Variants in VPS53 observed in about 807,000 individuals in gnomAD.
VPS53 encodes vacuolar protein sorting-associated protein 53 homolog.
A neutral mutation model predicts 107.0 loss-of-function variants in VPS53; 70 were observed. The ratio of observed to expected loss-of-function variants is 0.65; its 90% CI spans 0.54 to 0.80. VPS53 has a LOEUF of 0.80. Ranked by LOEUF, VPS53 falls within the 30% of genes least tolerant of loss-of-function variation. VPS53 has a pLI of 0.00. For missense variants in VPS53, 917 were observed against 1,049.4 expected, an observed-to-expected ratio of 0.87 and a Z score of 1.74; for synonymous variants, 409 against 393.3, an observed-to-expected ratio of 1.04 and a Z score of -0.47.
intron 17 of VPS53, 25 bp from the exon 18 acceptor site, chr17:537,201 T>C (rs1005790978): frequency 2.5e-6 from 4 of 1,612,606 alleles, no homozygotes; most frequent in Non-Finnish European, 3.4e-6. Context: ...GGATGAGGCG[T>C]TGAATCCCTC....
chr17:662,775 G>GAAAGAA, intron 4 of VPS53, among the ~76,000 whole-genome samples: 1 of 104,398 alleles, frequency 9.6e-6, no homozygotes, highest in Non-Finnish European at 2.1e-5. Context: ...GAAAGAAAGA[G>GAAAGAA]AAAGAAAGAA....
At chr17:690,351 G>T (rs760838911) in intron 4 of VPS53, among the ~76,000 whole-genome samples, 2 of 152,220 alleles carry the variant, frequency 1.3e-5, no homozygotes, top group Non-Finnish European at 2.9e-5. Context: ...CTGGCCCACA[G>T]ATGTGTTTTG....
At chr17:594,403 C>T (rs1967843683) in intron 12 of VPS53, among the ~76,000 whole-genome samples, 1 of 152,238 alleles carries the variant, frequency 6.6e-6, no homozygotes, top group South Asian at 2.1e-4. Flanking sequence ...GGCACTCCTG[C>T]CTCAGCGAAA....
At chr17:537,277 T>C in intron 17 of VPS53, 101 bp from the exon 18 acceptor site, 1 of 1,365,468 alleles carries the variant, frequency 7.3e-7, no homozygotes, top group Non-Finnish European at 1.0e-6. Context: ...GGTCACAGCT[T>C]TGGTATCCCA....
intron 8 of VPS53, among the ~76,000 whole-genome samples, chr17:630,463 C>T (rs543371296): frequency 1.3e-5 from 2 of 152,256 alleles, no homozygotes; most frequent in South Asian, 2.1e-4. Flanking sequence ...GGACTAATGG[C>T]TTTCCAATAT....
Position 510,408 on chromosome 17 carries a change from T to C in VPS53, c.*8720A>G, listed in dbSNP as rs1039310901. ...CATATCAAATCCTGGCTTGTCCCCT[T>C]GCTAGTCACGTATCAAATCCTGGCC... On this transcript the variant is annotated 3_prime_UTR_variant, in exon 22 of 22. Transcript: ENST00000437048. The C allele has an allele frequency of 1.3e-5, 3 of 232,182 alleles. No homozygotes were observed. Among genetic ancestry groups the C allele is most frequent in the Admixed American group, 5.9e-5 (1 of 16,958 alleles). 14.4% of individuals were successfully genotyped at this position (232,182 alleles called of 1,614,324 possible). A position where few individuals can be genotyped will look rare whatever the true frequency, so the allele number is the denominator to read the frequency against.
At chr17:664,085 T>C (rs1163888030) in intron 4 of VPS53, among the ~76,000 whole-genome samples, 1 of 151,366 alleles carries the variant, frequency 6.6e-6, no homozygotes, top group Non-Finnish European at 1.5e-5. Context: ...GTAAGATGAT[T>C]TTTTTTTTCT....
chr17:694,550 A>T (rs1395928265), intron 4 of VPS53, among the ~76,000 whole-genome samples: 1 of 152,218 alleles, frequency 6.6e-6, no homozygotes, highest in Non-Finnish European at 1.5e-5. Flanking sequence ...GCCATTCCAA[A>T]TGTAGGCTGA....
intron 12 of VPS53, among the ~76,000 whole-genome samples, chr17:598,695 G>A (rs548929365): frequency 0.018 from 2,068 of 113,012 alleles, 37 homozygotes; most frequent in Middle Eastern, 0.038. Flanking sequence ...CGGCCGCCCC[G>A]TCTGAGAAGT....
chr17:612,696 G>A (rs1408387242), intron 11 of VPS53, among the ~76,000 whole-genome samples: 1 of 145,494 alleles, frequency 6.9e-6, no homozygotes, highest in Non-Finnish European at 1.5e-5. Context: ...TTCACACAGT[G>A]AAAACCTGTA....
chr17:606,528 T>C (rs924796260), intron 11 of VPS53, among the ~76,000 whole-genome samples: 2 of 152,094 alleles, frequency 1.3e-5, no homozygotes, highest in Non-Finnish European at 2.9e-5. Context: ...TACACAGTCA[T>C]GCACCACATC....
chr17:551,658 C>G, intron 17 of VPS53: 1 of 342,952 alleles, frequency 2.9e-6, no homozygotes, highest in Non-Finnish European at 5.4e-6. Flanking sequence ...TCCTCCAATA[C>G]TGTGATGCTC....
intron 12 of VPS53, among the ~76,000 whole-genome samples, chr17:595,808 T>G (rs1967941942): frequency 7.5e-6 from 1 of 132,882 alleles, no homozygotes; most frequent in South Asian, 2.8e-4. Context: ...CCTGATTTGA[T>G]GATGCACTCT....
intron 12 of VPS53, among the ~76,000 whole-genome samples, chr17:593,386 A>C (rs957062504): frequency 3.9e-5 from 6 of 152,228 alleles, no homozygotes; most frequent in African/African-American, 1.4e-4. Context: ...ACAAAATGGG[A>C]GAAAATTTTC....
chr17:561,922 T>C (rs1052612272), intron 14 of VPS53, among the ~76,000 whole-genome samples: 1 of 152,196 alleles, frequency 6.6e-6, no homozygotes, highest in East Asian at 1.9e-4. Flanking sequence ...CATTAGGCTA[T>C]GTCCAGTTCT....
intron 2 of VPS53, among the ~76,000 whole-genome samples, chr17:705,459 G>T (rs1272944332): frequency 6.6e-6 from 1 of 151,958 alleles, no homozygotes; most frequent in Non-Finnish European, 1.5e-5. Context: ...AGCTGGGGCT[G>T]GGCGCGGTGG....
chr17:623,770 A>T (rs762301025), intron 10 of VPS53, 96 bp from the exon 11 acceptor site: 2 of 1,366,308 alleles, frequency 1.5e-6, no homozygotes, highest in Admixed American at 4.9e-5. Context: ...AGAAAAAAAA[A>T]ATGTATGTGG....
At chr17:634,027 G>A (rs1336711156) in intron 7 of VPS53, among the ~76,000 whole-genome samples, 1 of 152,170 alleles carries the variant, frequency 6.6e-6, no homozygotes, top group East Asian at 1.9e-4. Context: ...GAAGAGGAAG[G>A]AGTTCTCCTC....
chr17:675,788 A>T (rs1434377913), intron 4 of VPS53: 2 of 151,536 alleles, frequency 1.3e-5, no homozygotes, highest in Non-Finnish European at 2.9e-5. Flanking sequence ...AAAAAAAAAA[A>T]ACTTACTTGG....
Sources: allele counts gnomAD v4.1 joint callset (sites outside exome capture counted in the v4.1 genomes callset), GRCh38; gene constraint gnomAD v4.1.1; transcripts MANE v1.5; gene names NCBI Gene and HGNC (gene_info 2026-07-23, HGNC 2026-07-21).